The following DSC3 variants were observed in gnomAD, a reference collection of about 807,000 sequenced individuals.
DSC3 encodes the protein desmocollin-3.
Under a neutral mutation model 89.5 loss-of-function variants are expected in DSC3, and 97 were observed. The observed-to-expected ratio is 1.08, with a 90% confidence interval of 0.92 to 1.28. The LOEUF (loss-of-function observed/expected upper bound fraction) is 1.28. Ranked by LOEUF, DSC3 falls within the 50% of genes most tolerant of loss-of-function variation. DSC3 has a pLI of 0.00. For synonymous variants in DSC3, 436 were observed against 384.1 expected (o/e 1.14, Z -1.58); for missense variants, 1,199 against 1,085.3 (o/e 1.10, Z -1.47).
chr18:31,008,216 A>C, intron 10 of DSC3, 53 bp downstream of exon 10: 1 of 1,610,258 alleles, frequency 6.2e-7, no homozygotes, highest in Non-Finnish European at 8.5e-7. Context: ...ATAAGTTACT[A>C]TCTCAATGAT....
intron 14 of DSC3, among the ~76,000 whole-genome samples, chr18:30,998,946 A>AT (rs34906091): frequency 0.12 from 17,877 of 152,102 alleles, 1,340 homozygotes; most frequent in African/African-American, 0.2. Context: ...ATCAAATATA[A>AT]TTTTTTCTTT....
chr18:31,028,984 T>C (rs950658859), intron 4 of DSC3, among the ~76,000 whole-genome samples: 1 of 152,154 alleles, frequency 6.6e-6, no homozygotes, highest in African/African-American at 2.4e-5. Flanking sequence ...ATTATTTACC[T>C]GCAGAAAAAT....
In DSC3 at chr18:31,007,040, G is replaced by T. The variant is rs1416862622; in HGVS notation, c.1755C>A (p.Cys585Ter). 6.2e-7 allele frequency: 1 copy of T among 1,613,774 alleles called. No individual in the cohort carries two copies. The highest frequency in any genetic ancestry group is 8.5e-7 in the Non-Finnish European group (1 of 1,179,902). Residue 585 changes from cysteine (C) to a stop codon, truncating the protein, a stop_gained, in exon 12 of 16, where the codon TGC (cysteine) becomes TGA (stop). Coordinates refer to ENST00000360428, the MANE Select transcript of DSC3 (RefSeq NM_001941.5). LOFTEE classifies it high-confidence loss of function. Reference protein sequence around the residue: ...PEILQEYVVICKPKMGYTDIL... With the variant: ...PEILQEYVVI ...TGTCGGTATACCCCATTTTTGGTTT[G>T]CAAATGACTACATATTCTTGAAGTA...
intron 1 of DSC3, among the ~76,000 whole-genome samples, chr18:31,034,104 C>T (rs1339518542): frequency 1.3e-5 from 2 of 152,172 alleles, no homozygotes; most frequent in African/African-American, 4.8e-5. Context: ...GGATTACAGG[C>T]GTGAGCCACC....
chr18:31,002,781 A>T (rs977728072), intron 13 of DSC3, among the ~76,000 whole-genome samples: 5 of 152,072 alleles, frequency 3.3e-5, no homozygotes, highest in African/African-American at 1.2e-4. Flanking sequence ...ATAATGTTCT[A>T]TTGGAACACA....
At chr18:31,004,097 A>AT (rs1275877582) in intron 13 of DSC3, 45 bp downstream of exon 13, 2 of 1,456,934 alleles carry the variant, frequency 1.4e-6, no homozygotes, top group Non-Finnish European at 1.9e-6. Flanking sequence ...CCACACCTAG[A>AT]TTTTTTATTA....
At chr18:31,010,468 G>A (rs182440089) in intron 9 of DSC3, among the ~76,000 whole-genome samples, 49 of 152,212 alleles carry the variant, frequency 3.2e-4, no homozygotes, top group Admixed American at 7.9e-4. Flanking sequence ...CCCATTTTTC[G>A]AGGCTTAAGA....
intron 9 of DSC3, 84 bp downstream of exon 9, chr18:31,017,987 T>C (rs1377508139): frequency 3.4e-6 from 4 of 1,176,668 alleles, no homozygotes; most frequent in African/African-American, 3.1e-5. Context: ...GTAGAGTCTA[T>C]GGTCTGAAAC....
At position 31,025,794 on chromosome 18, in the gene DSC3, C is replaced by T. The variant is rs138949508; in HGVS notation, c.596G>A (p.Arg199Gln). ...ATCATATTCTTCACGATCCACAGGCCGAGTGCAAAATAGATTTCCAGTGTC... is the reference window on the plus strand; with the variant it reads ...ATCATATTCTTCACGATCCACAGGCTGAGTGCAAAATAGATTTCCAGTGTC... Reference protein sequence around the residue: ...ERDTGNLFCTRPVDREEYDVF... With the variant: ...ERDTGNLFCTQPVDREEYDVF... Residue 199 changes from arginine to glutamine, a missense_variant, in exon 5 of 16, where the codon CGG becomes CAG. Arg to Gln is a conservative substitution (Grantham distance 43). Transcript: ENST00000360428. The T allele has an allele frequency of 2.0e-5, 33 of 1,613,074 alleles. No homozygotes were observed. The highest frequency in any genetic ancestry group is 3.3e-5 in the Admixed American group (2 of 59,930).
At chr18:31,039,478 C>A (rs1986068485) in intron 1 of DSC3, among the ~76,000 whole-genome samples, 5 of 152,272 alleles carry the variant, frequency 3.3e-5, no homozygotes, top group African/African-American at 1.2e-4. Context: ...TTAAACTCTT[C>A]ATTTCTCCTG....
At chr18:31,027,483 C>CCTTCCTTCCTTCCTTG (rs1985638033) in intron 4 of DSC3, among the ~76,000 whole-genome samples, 1 of 151,766 alleles carries the variant, frequency 6.6e-6, no homozygotes, top group African/African-American at 2.4e-5. Context: ...TTCCTTCCTT[C>CCTTCCTTCCTTCCTTG]CTTCCTTCCT....
In DSC3 at chr18:31,018,818, A is replaced by G. The variant is rs8086190; in HGVS notation, c.943-18T>C. 2,923 of 1,612,672 alleles carry G rather than the reference A, an allele frequency of 1.8e-3. 48 individuals carry two copies. The African/African-American group carries it at 0.035, about 19-fold the overall frequency. On this transcript the variant is annotated intron_variant, in intron 7 of 15. Coordinates refer to ENST00000360428, the MANE Select transcript of DSC3 (RefSeq NM_001941.5). The stretch of plus-strand genomic sequence containing the variant: ...TCTACAACCTGGAAACAAAGCAAAT[A>G]TTTAACTAGTCTTGAAAAATTTTTG...
chr18:31,015,746 C>G (rs1385502443), intron 9 of DSC3, among the ~76,000 whole-genome samples: 3 of 152,170 alleles, frequency 2.0e-5, no homozygotes, highest in Non-Finnish European at 4.4e-5. Context: ...GGGTCTCTGA[C>G]AGAAGCTACT....
At chr18:31,029,168 T>C (rs1304610511) in intron 4 of DSC3, among the ~76,000 whole-genome samples, 1 of 152,018 alleles carries the variant, frequency 6.6e-6, no homozygotes, top group Admixed American at 6.6e-5. Context: ...CCTACTTCTG[T>C]CTCCTTCACG....
intron 5 of DSC3, among the ~76,000 whole-genome samples, chr18:31,024,703 A>G (rs1377592992): frequency 6.6e-6 from 1 of 152,148 alleles, no homozygotes; most frequent in Non-Finnish European, 1.5e-5. Context: ...GGCTATCGCA[A>G]ATAAAACCTA....
intron 14 of DSC3, among the ~76,000 whole-genome samples, chr18:30,997,600 A>T (rs1984520573): frequency 6.6e-6 from 1 of 152,184 alleles, no homozygotes; most frequent in South Asian, 2.1e-4. Flanking sequence ...AAATTTCACC[A>T]TAGCAAATGC....
chr18:31,031,269 G>A (rs1011079383), intron 2 of DSC3, 97 bp from the exon 3 acceptor site: 7 of 855,232 alleles, frequency 8.2e-6, no homozygotes, highest in South Asian at 1.8e-5. Context: ...CCATGAAGTG[G>A]GATGAAATAA....
chr18:31,019,573 G>T lies in DSC3; in HGVS notation c.943-773C>A, dbSNP rs190986080. On this transcript the variant is annotated intron_variant, in intron 7 of 15. Coordinates refer to ENST00000360428, the MANE Select transcript of DSC3 (RefSeq NM_001941.5). ...TTTGGGAGGCCAACATAGAAGGATC[G>T]CTCAAGGCCAGGAGTTTGAGACAGA... Among the ~76,000 whole-genome samples the T allele has an allele frequency of 4.6e-4, 70 of 152,198 alleles. 1 individual carries two copies. Among genetic ancestry groups the T allele is most frequent in the African/African-American group, 1.6e-3 (65 of 41,536 alleles).
Position 31,037,138 on chromosome 18 carries a change from G to C in DSC3, c.70-4862C>G, listed in dbSNP as rs114613142. Among the ~76,000 whole-genome samples, 593 of 152,194 alleles carry C rather than the reference G, an allele frequency of 3.9e-3. 2 individuals carry two copies. Among genetic ancestry groups the C allele is most frequent in the African/African-American group, 0.014 (562 of 41,526 alleles). On this transcript the variant is annotated intron_variant, in intron 1 of 15. Transcript: ENST00000360428. ...AAGCTTTGCAATTTTTGCTAAAAAG[G>C]TCTTTCACATTTTTTGTTACATTTA... is the stretch of plus-strand genomic sequence containing the variant.
Sources: gnomAD v4.1 joint callset for allele counts (sites outside exome capture counted in the v4.1 genomes callset) on GRCh38, gnomAD v4.1.1 for gene constraint, MANE v1.5 for transcripts, NCBI Gene and HGNC (gene_info 2026-07-23, HGNC 2026-07-21) for gene names.